SYNE1: variants seen among roughly 807,000 people sequenced by gnomAD.
SYNE1 encodes spectrin repeat containing nuclear envelope protein 1, also known as nesprin-1.
SYNE1 carries 616 observed loss-of-function variants against 1,111.0 expected under a neutral mutation model. That is an observed-to-expected ratio of 0.55 (90% CI 0.52 to 0.59). SYNE1 has a LOEUF of 0.59. Ranked by LOEUF, SYNE1 falls within the 20% of genes least tolerant of loss-of-function variation. The pLI, the probability that SYNE1 is intolerant of heterozygous loss-of-function variation, is 0.00. For synonymous variants in SYNE1, 3,855 were observed against 3,825.8 expected (o/e 1.01, Z -0.28); for missense variants, 10,006 against 10,417.0 (o/e 0.96, Z 1.72).
chr6:152,164,304 G>T lies in SYNE1; in HGVS notation c.23649C>A (p.Thr7883=), dbSNP rs2063162691. Residue 7883 remains threonine (T), a synonymous_variant, in exon 131 of 146, where the codon ACC becomes ACA. Transcript: ENST00000367255. ...IAARVKKLKE[T]LVAVQQLDKN... ...TATCAAGCTGCTGCACGGCTACCAGGGTCTCCTTCAGCTTCTTCACCCTGT... is the reference window on the plus strand; with the variant it reads ...TATCAAGCTGCTGCACGGCTACCAGTGTCTCCTTCAGCTTCTTCACCCTGT... The T allele has an allele frequency of 2.5e-6, 4 of 1,614,074 alleles. No homozygotes were observed. Among genetic ancestry groups the T allele is most frequent in the Non-Finnish European group, 3.4e-6 (4 of 1,180,034 alleles).
chr6:152,271,087 T>A (rs2093166986), intron 98 of SYNE1, among the ~76,000 whole-genome samples: 1 of 152,150 alleles, frequency 6.6e-6, no homozygotes, highest in African/African-American at 2.4e-5. Context: ...GGTTGTTCTT[T>A]GCAATGTCTG....
chr6:152,433,667 A>C lies in SYNE1; in HGVS notation c.4461+128T>G. 3 of 1,117,286 alleles carry C rather than the reference A, an allele frequency of 2.7e-6. No homozygotes were observed. In the South Asian group the frequency reaches 3.9e-5, roughly 15 times the overall value. 69.2% of individuals were successfully genotyped at this position (1,117,286 alleles called of 1,614,324 possible). A position where few individuals can be genotyped will look rare whatever the true frequency, so the allele number is the denominator to read the frequency against. On this transcript the variant is annotated intron_variant, in intron 34 of 145. Coordinates refer to ENST00000367255, the MANE Select transcript of SYNE1 (RefSeq NM_182961.4). ...ACCTCTTAGCTTGATAAAATGTATG[A>C]ATTTAATTTTAATAGTCACATTGCA...
In SYNE1 at chr6:152,189,133, C is replaced by T. The variant is rs537054462; in HGVS notation, c.23301+119G>A. On this transcript the variant is annotated intron_variant, in intron 128 of 145. Coordinates refer to ENST00000367255, the MANE Select transcript of SYNE1 (RefSeq NM_182961.4). ...TTCTGGTAGTAACCACAGTGTTCTT[C>T]CTTTGTCCGTACTAAGAATTATGGG... is the stretch of plus-strand genomic sequence containing the variant. 3.8e-4 allele frequency: 393 copies of T among 1,034,946 alleles called. 1 individual carries two copies. The highest frequency in any genetic ancestry group is 5.4e-4 in the Non-Finnish European group (368 of 676,950). The allele number at this position is 1,034,946 out of a possible 1,614,324, so 64.1% of individuals were successfully genotyped here.
chr6:152,218,409 T>C lies in SYNE1; in HGVS notation c.22045-6A>G. 6 of 1,610,046 alleles carry C rather than the reference T, an allele frequency of 3.7e-6. No homozygotes were observed. The highest frequency in any genetic ancestry group is 4.2e-6 in the Non-Finnish European group (5 of 1,179,434). ...TCATAATCAAGAACTCCAGCCTTTT[T>C]TTCCACAAAAGAAATTGGTATTTCA... On this transcript the variant is annotated splice_polypyrimidine_tract_variant and splice_region_variant and intron_variant, in intron 120 of 145. Transcript: ENST00000367255.
In SYNE1 at chr6:152,331,409, C is replaced by G; in HGVS notation, c.13276G>C (p.Ala4426Pro). 3 of 1,614,152 alleles carry G rather than the reference C, an allele frequency of 1.9e-6. No homozygotes were observed. The highest frequency in any genetic ancestry group is 2.5e-6 in the Non-Finnish European group (3 of 1,180,032). The stretch of plus-strand genomic sequence containing the variant: ...ACGTGGCTTTGTGCATCAGAGAGAG[C>G]CTTCTGGATGACCTGTCGCTCATTG... ...GLNERQVIQKALSDAQSHVNC... is the reference protein window; with the variant it reads ...GLNERQVIQKPLSDAQSHVNC... Residue 4426 changes from alanine (A) to proline (P), a missense_variant, in exon 78 of 146, where the codon GCT becomes CCT. Ala to Pro is a conservative substitution (Grantham distance 27). Around this residue, in one of 7 missense-constraint regions of SYNE1, gnomAD observed 4,955 missense variants for 5,017.2 expected, o/e 0.99. Transcript: ENST00000367255.
At chr6:152,364,713 GAA>G in intron 63 of SYNE1, 132 bp downstream of exon 63, 3 of 969,812 alleles carry the variant, frequency 3.1e-6, no homozygotes, top group Non-Finnish European at 4.8e-6. Flanking sequence ...AGGAAGGAAG[GAA>G]GGAAGGAAGG....
intron 14 of SYNE1, chr6:152,481,705 C>T: frequency 5.9e-6 from 2 of 339,154 alleles, no homozygotes; most frequent in Admixed American, 3.5e-5. Flanking sequence ...ACACTTTTCT[C>T]TATTTTTAAT....
rs927168592 is a variant in SYNE1, at chr6:152,122,068, A to G, written c.*368T>C. On this transcript the variant is annotated 3_prime_UTR_variant, in exon 146 of 146. Transcript: ENST00000367255. ...GGAGGGTCATTTATCTGATGGTTGGAGCAGCACCATGGGAAAGCTGCCCAG... is the reference window on the plus strand; with the variant it reads ...GGAGGGTCATTTATCTGATGGTTGGGGCAGCACCATGGGAAAGCTGCCCAG... 4 of 345,212 alleles carry G rather than the reference A, an allele frequency of 1.2e-5. No individual in the cohort carries two copies. The highest frequency in any genetic ancestry group is 2.2e-5 in the Non-Finnish European group (4 of 178,842). 21.4% of individuals were successfully genotyped at this position (345,212 alleles called of 1,614,324 possible).
intron 132 of SYNE1, 107 bp downstream of exon 132, chr6:152,155,803 T>C (rs1586403692): frequency 7.3e-7 from 1 of 1,361,016 alleles, no homozygotes; most frequent in Non-Finnish European, 1.0e-6. Context: ...ACAGCTATTT[T>C]TGGACATTGT....
At chr6:152,254,208 A>G (rs1478321206) in intron 104 of SYNE1, among the ~76,000 whole-genome samples, 1 of 140,662 alleles carries the variant, frequency 7.1e-6, no homozygotes, top group Non-Finnish European at 1.5e-5. Context: ...ACTACAGTCT[A>G]TGGCCCTTTC....
chr6:152,211,374 GC>G, intron 124 of SYNE1, 119 bp downstream of exon 124: 1 of 777,080 alleles, frequency 1.3e-6, no homozygotes. Flanking sequence ...AATTACTGAG[GC>G]CCCACTACAG....
rs1229856716 is a variant in SYNE1, at chr6:152,450,713, C to T, written c.3307G>A (p.Val1103Met). ...PVRDTPGTCH[V>M]TLKELRAAID... ...GCAGCTCTGAGCTCTTTGAGAGTCA[C>T]GTGACAGGTTCCAGGTGTGTCCCTT... is the stretch of plus-strand genomic sequence containing the variant. The change falls in exon 27 of 146, where the codon GTG becomes ATG. Residue 1103 changes from valine (V) to methionine (M), a missense_variant. Around this residue, in one of 7 missense-constraint regions of SYNE1, gnomAD observed 1,971 missense variants for 2,084.1 expected, o/e 0.95. Transcript: ENST00000367255. The T allele has an allele frequency of 2.0e-5, 33 of 1,614,118 alleles. No homozygotes were observed. Among genetic ancestry groups the T allele is most frequent in the Middle Eastern group, 1.7e-4 (1 of 6,058 alleles).
At chr6:152,135,461 C>T (rs2056843189) in intron 141 of SYNE1, among the ~76,000 whole-genome samples, 1 of 152,176 alleles carries the variant, frequency 6.6e-6, no homozygotes, top group African/African-American at 2.4e-5. Context: ...GAAAGGAAAA[C>T]TGGCATCAAC....
In SYNE1 at chr6:152,502,527, C is replaced by T; in HGVS notation, c.888+106G>A. 3 of 848,232 alleles carry T rather than the reference C, an allele frequency of 3.5e-6. No individual in the cohort carries two copies. The South Asian group carries it at 4.2e-5, about 12-fold the overall frequency. 52.5% of individuals were successfully genotyped at this position (848,232 alleles called of 1,614,324 possible). ...ATAGCTTTTTAAAATCAGTTGGTCTCATATTAAAATGCATTCAAATTTAAT... is the reference window on the plus strand; with the variant it reads ...ATAGCTTTTTAAAATCAGTTGGTCTTATATTAAAATGCATTCAAATTTAAT... On this transcript the variant is annotated intron_variant, in intron 10 of 145. Transcript: ENST00000367255.
chr6:152,387,288 T>A lies in SYNE1; in HGVS notation c.8271A>T (p.Glu2757Asp). 1 of 1,614,212 alleles carries A rather than the reference T, an allele frequency of 6.2e-7. No homozygotes were observed. Among genetic ancestry groups the A allele is most frequent in the South Asian group, 1.1e-5 (1 of 91,086 alleles). ...GACCTGGCTGTGGTTGTAAGGGATGTTCTATTTTTTGATCCACTGATTCCA... is the reference window on the plus strand; with the variant it reads ...GACCTGGCTGTGGTTGTAAGGGATGATCTATTTTTTGATCCACTGATTCCA... ...QWMESVDQKIEHPLQPQPGLK... is the reference protein window; with the variant it reads ...QWMESVDQKIDHPLQPQPGLK... The change falls in exon 54 of 146, where the codon GAA becomes GAT. Residue 2757 changes from glutamate to aspartate, a missense_variant. Physicochemically the swap from Glu to Asp is conservative, Grantham distance 45. This residue lies in a region of SYNE1 where 4,955 missense variants were observed against 5,017.2 expected (regional missense o/e 0.99). Transcript: ENST00000367255.
chr6:152,616,909 A>G (rs1583498090), intron 3 of SYNE1, among the ~76,000 whole-genome samples: 1 of 152,084 alleles, frequency 6.6e-6, no homozygotes, highest in Non-Finnish European at 1.5e-5. Flanking sequence ...TGTATTAATT[A>G]CTCCTAATAA....
chr6:152,129,830 C>T (rs1186626988), intron 145 of SYNE1, among the ~76,000 whole-genome samples: 3 of 152,128 alleles, frequency 2.0e-5, no homozygotes, highest in Non-Finnish European at 4.4e-5. Flanking sequence ...TGATAAGTTT[C>T]CAGAGGGACA....
In SYNE1 at chr6:152,242,305, C is replaced by T; in HGVS notation, c.19828G>A (p.Ala6610Thr). ...GACACGATGATTTTCTGGTCTCCTG[C>T]CATCTTCTCCTGACCAGTTTCTAGC... Reference protein sequence around the residue: ...DLLETGQEKMAGDQKIIVSSK... With the variant: ...DLLETGQEKMTGDQKIIVSSK... The change falls in exon 107 of 146, where the codon GCA becomes ACA. Residue 6610 changes from alanine to threonine, a missense_variant. Ala to Thr is a moderately conservative substitution (Grantham distance 58). Transcript: ENST00000367255. 6.2e-7 allele frequency: 1 copy of T among 1,614,066 alleles called. No homozygotes were observed. Among genetic ancestry groups the T allele is most frequent in the Non-Finnish European group, 8.5e-7 (1 of 1,179,996 alleles).
At chr6:152,534,213 TAAATA>T (rs1346857433) in intron 4 of SYNE1, among the ~76,000 whole-genome samples, 3 of 151,638 alleles carry the variant, frequency 2.0e-5, no homozygotes, top group East Asian at 1.9e-4. Flanking sequence ...AATAAATAAA[TAAATA>T]AAATAATATA....
Sources: allele counts gnomAD v4.1 joint callset (sites outside exome capture counted in the v4.1 genomes callset), GRCh38; gene constraint gnomAD v4.1.1; regional missense constraint gnomAD v4.1.1; transcripts MANE v1.5; gene names NCBI Gene and HGNC (gene_info 2026-07-23, HGNC 2026-07-21).